CNTN4: variants seen among roughly 807,000 people sequenced by gnomAD.
CNTN4 encodes the protein contactin 4.
In CNTN4, 77 loss-of-function variants were observed where a neutral mutation model predicts 122.5. The observed-to-expected ratio is 0.63, with a 90% CI of 0.52 to 0.76. The LOEUF (loss-of-function observed/expected upper bound fraction) is 0.76. Ranked by LOEUF, CNTN4 falls within the 30% of genes least tolerant of loss-of-function variation. The pLI is 0.00. For synonymous variants in CNTN4, 512 were observed against 447.0 expected, an observed-to-expected ratio of 1.15 and a Z score of -1.83; for missense variants, 1,256 against 1,259.1, an observed-to-expected ratio of 1.00 and a Z score of 0.04.
At position 2,413,170 on chromosome 3, in the gene CNTN4, T is replaced by G. The variant is rs1475940762; in HGVS notation, c.-89+73937T>G. ...AAAATTGTCAGAGGGCTAACTCTTC[T>G]CACTCATTTTGGCTCTTGTATCTCT... is the stretch of plus-strand genomic sequence containing the variant. On this transcript the variant is annotated intron_variant, in intron 3 of 24. Coordinates refer to ENST00000418658, the MANE Select transcript of CNTN4 (RefSeq NM_175607.3). Among the ~76,000 whole-genome samples, 4 of 152,218 alleles carry G rather than the reference T, an allele frequency of 2.6e-5. No homozygotes were observed. In the East Asian group the frequency reaches 7.7e-4, roughly 29 times the overall value.
rs1002814420 is a variant in CNTN4 at position 3,033,057 on chromosome 3, C to G, written c.1784-1575C>G. ...AACAATGGACTCAGATATTTCCTAT[C>G]GATTTAATTCTTTGAAGAGTTCAGA... On this transcript the variant is annotated intron_variant, in intron 16 of 24. Transcript: ENST00000418658. Among the ~76,000 whole-genome samples the G allele has an allele frequency of 2.6e-5, 4 of 152,034 alleles. No individual in the cohort carries two copies. The East Asian group carries it at 7.7e-4, about 29-fold the overall frequency.
chr3:2,915,430 A>G (rs6766259), intron 12 of CNTN4, among the ~76,000 whole-genome samples: 63,429 of 152,050 alleles, frequency 0.42, 13,565 homozygotes, highest in East Asian at 0.64. Context: ...CCTCAACCTA[A>G]TGAAAGCCTT....
rs186994244 is a variant in CNTN4 at position 2,986,746 on chromosome 3, G to A, written c.1359-1599G>A. ...TTCAACCACTCTGAATTCCTACAAC[G>A]TATTACCGATTTTTCCCTTAGGTTA... On this transcript the variant is annotated intron_variant, in intron 13 of 24. Coordinates refer to ENST00000418658, the MANE Select transcript of CNTN4 (RefSeq NM_175607.3). Among the ~76,000 whole-genome samples the A allele has an allele frequency of 3.1e-4, 47 of 152,196 alleles. 1 individual carries two copies. The highest frequency in any genetic ancestry group is 1.9e-3 in the South Asian group (9 of 4,812).
At chr3:2,452,956 T>C (rs1409257991) in intron 3 of CNTN4, among the ~76,000 whole-genome samples, 1 of 152,158 alleles carries the variant, frequency 6.6e-6, no homozygotes, top group Non-Finnish European at 1.5e-5. Context: ...TTATTGCAAA[T>C]CTTCCTGGTT....
intron 2 of CNTN4, among the ~76,000 whole-genome samples, chr3:2,171,368 A>G (rs947592773): frequency 2.0e-5 from 3 of 152,342 alleles, no homozygotes; most frequent in South Asian, 4.1e-4. Flanking sequence ...TCATTTTTAT[A>G]ATTCCACGTC....
At chr3:2,218,552 G>GT (rs922709874) in intron 2 of CNTN4, among the ~76,000 whole-genome samples, 6 of 152,020 alleles carry the variant, frequency 3.9e-5, no homozygotes, top group Non-Finnish European at 5.9e-5. Context: ...ATAAAAAAAA[G>GT]TTTTTTGACA....
At chr3:2,815,479 AC>A (rs2092705035) in intron 6 of CNTN4, among the ~76,000 whole-genome samples, 1 of 152,194 alleles carries the variant, frequency 6.6e-6, no homozygotes, top group African/African-American at 2.4e-5. Context: ...TAGCCAAAAA[AC>A]ATAGGAAAAA....
chr3:2,859,828 A>G (rs1011873035), intron 7 of CNTN4, among the ~76,000 whole-genome samples: 12 of 152,180 alleles, frequency 7.9e-5, no homozygotes, highest in Admixed American at 6.5e-4. Context: ...TAAATTCCGT[A>G]ACTTCCACCC....
intron 3 of CNTN4, among the ~76,000 whole-genome samples, chr3:2,556,258 C>T (rs1421347484): frequency 6.6e-6 from 1 of 152,148 alleles, no homozygotes; most frequent in Non-Finnish European, 1.5e-5. Context: ...TTGACAACAG[C>T]AATTAACCAA....
rs565216117 is a variant in CNTN4 at position 2,821,030 on chromosome 3, C to T, written c.454+1449C>T. 2.4e-4 allele frequency among the ~76,000 whole-genome samples: 33 copies of T among 136,834 alleles called. No individual in the cohort carries two copies. The South Asian group carries it at 4.2e-3, about 17-fold the overall frequency. The allele number at this position is 136,834 out of a possible 152,430, so 89.8% of individuals were successfully genotyped here. A position where few individuals can be genotyped will look rare whatever the true frequency, so the allele number is the denominator to read the frequency against. On this transcript the variant is annotated intron_variant, in intron 7 of 24. Coordinates refer to ENST00000418658, the MANE Select transcript of CNTN4 (RefSeq NM_175607.3). ...AATCTGGAGTGTGGTGGTGCAATCT[C>T]GGCTCACTGCAACCTCTGCCTCCCA...
In CNTN4 at chr3:2,861,568, G is replaced by A. The variant is rs559817257; in HGVS notation, c.455-5184G>A. Among the ~76,000 whole-genome samples the A allele has an allele frequency of 3.9e-4, 59 of 152,182 alleles. 1 individual carries two copies. Among genetic ancestry groups the A allele is most frequent in the Admixed American group, 2.1e-3 (32 of 15,284 alleles). On this transcript the variant is annotated intron_variant, in intron 7 of 24. Transcript: ENST00000418658. The stretch of plus-strand genomic sequence containing the variant: ...TTGATAAAACTATCTAAAGGTAAGG[G>A]GACTCTATCATGCTGTTAAAATCAT...
rs1442036340 is a variant in CNTN4 at position 2,295,529 on chromosome 3, G to GT, written c.-144-43642dup. The stretch of plus-strand genomic sequence containing the variant: ...CGCCCACTTTTTGATGGGGTTGTTT[G>GT]TTTTTTTCTTGTAAATTTGTTTTAG... On this transcript the variant is annotated intron_variant, in intron 2 of 24. Transcript: ENST00000418658. Among the ~76,000 whole-genome samples the GT allele has an allele frequency of 6.5e-4, 98 of 151,794 alleles. 1 individual carries two copies. In the East Asian group the frequency reaches 0.018, roughly 29 times the overall value.
chr3:2,864,376 G>T lies in CNTN4; in HGVS notation c.455-2376G>T, dbSNP rs2093701105. The stretch of plus-strand genomic sequence containing the variant: ...TTTCTGGTTGCTAAATGAGCCTCCC[G>T]CAGAATTCAGAGAGCCTTGCAGCCA... On this transcript the variant is annotated intron_variant, in intron 7 of 24. Transcript: ENST00000418658. 2.0e-5 allele frequency among the ~76,000 whole-genome samples: 3 copies of T among 151,942 alleles called. No individual in the cohort carries two copies. In the South Asian group the frequency reaches 6.2e-4, roughly 32 times the overall value.
intron 4 of CNTN4, among the ~76,000 whole-genome samples, chr3:2,704,296 CAAAAAAAAAA>C (rs151155380): frequency 0.011 from 762 of 69,518 alleles, 10 homozygotes; most frequent in African/African-American, 0.041. Flanking sequence ...GACTTCATTT[CAAAAAAAAAA>C]AAAAAAAAAA....
intron 6 of CNTN4, among the ~76,000 whole-genome samples, chr3:2,748,218 C>G (rs146593442): frequency 6.6e-6 from 1 of 152,244 alleles, no homozygotes; most frequent in East Asian, 1.9e-4. Flanking sequence ...TTTTAAGTAC[C>G]AGCCCCAGAT....
chr3:2,682,939 G>A lies in CNTN4; in HGVS notation c.56-53276G>A, dbSNP rs534256475. Among the ~76,000 whole-genome samples the A allele has an allele frequency of 2.5e-3, 285 of 112,764 alleles. 1 individual carries two copies. The highest frequency in any genetic ancestry group is 3.7e-3 in the Non-Finnish European group (221 of 59,616). The allele number at this position is 112,764 out of a possible 152,430, so 74.0% of individuals were successfully genotyped here. The stretch of plus-strand genomic sequence containing the variant: ...TTCTCTGCCGCCAGCATCCAAATGT[G>A]CATTTGACACTCTGAAACTGAAGGA... On this transcript the variant is annotated intron_variant, in intron 4 of 24. Transcript: ENST00000418658.
chr3:2,880,781 C>T (rs557104640), intron 8 of CNTN4, among the ~76,000 whole-genome samples: 50 of 152,246 alleles, frequency 3.3e-4, no homozygotes, highest in Non-Finnish European at 4.7e-4. Context: ...GTTTCAACAC[C>T]GACTGGTTTT....
chr3:2,485,168 G>A (rs1196346527), intron 3 of CNTN4, among the ~76,000 whole-genome samples: 2 of 152,230 alleles, frequency 1.3e-5, no homozygotes, highest in East Asian at 3.9e-4. Context: ...GGGACCTGCA[G>A]CCTGCCATGC....
At chr3:2,831,831 C>A (rs1314353270) in intron 7 of CNTN4, among the ~76,000 whole-genome samples, 1 of 152,198 alleles carries the variant, frequency 6.6e-6, no homozygotes, top group Non-Finnish European at 1.5e-5. Flanking sequence ...TCAGCACATA[C>A]ACTAGGGAAC....
Sources: gnomAD v4.1 joint callset for allele counts (sites outside exome capture counted in the v4.1 genomes callset) on GRCh38, gnomAD v4.1.1 for gene constraint, MANE v1.5 for transcripts, NCBI Gene and HGNC (gene_info 2026-07-23, HGNC 2026-07-21) for gene names.